TTC6: variants seen among roughly 807,000 people sequenced by gnomAD.
The protein encoded by TTC6 is tetratricopeptide repeat domain 6.
In TTC6, 172 loss-of-function variants were observed where a neutral mutation model predicts 210.4. The ratio of observed to expected loss-of-function variants is 0.82; its 90% CI spans 0.72 to 0.93. The LOEUF (loss-of-function observed/expected upper bound fraction) is 0.93. Among genes scored for constraint, TTC6 ranks in the 40% least tolerant of loss-of-function variants. The pLI is 0.00. For synonymous variants in TTC6, 804 were observed against 819.6 expected (o/e 0.98, Z 0.32); for missense variants, 2,414 against 2,318.1 (o/e 1.04, Z -0.85).
chr14:37,832,172 C>A (rs1032031011), intron 29 of TTC6, among the ~76,000 whole-genome samples: 2 of 151,982 alleles, frequency 1.3e-5, no homozygotes, highest in African/African-American at 4.8e-5. Context: ...CAAGTTTTCT[C>A]AGTTTTGTTT....
At chr14:37,695,113 T>C (rs10139826) in intron 3 of TTC6, among the ~76,000 whole-genome samples, 58,591 of 149,582 alleles carry the variant, frequency 0.39, 11,984 homozygotes, top group Admixed American at 0.5. Flanking sequence ...GAGATCATTA[T>C]GTTAAGTGAA....
rs2095704722 is a variant in TTC6 at position 37,648,021 on chromosome 14, C to T, written c.939+25018C>T. Among the ~76,000 whole-genome samples, 4 of 152,144 alleles carry T rather than the reference C, an allele frequency of 2.6e-5. No homozygotes were observed. The South Asian group carries it at 8.3e-4, about 32-fold the overall frequency. On this transcript the variant is annotated intron_variant, in intron 1 of 30. Coordinates refer to ENST00000553443, the Ensembl canonical transcript of TTC6. The stretch of plus-strand genomic sequence containing the variant: ...AACTATAATATTACAAACACACACA[C>T]ACACACGTTCACACCCCTCCCCATC...
chr14:37,773,412 A>G (rs1385586981), intron 14 of TTC6, among the ~76,000 whole-genome samples: 1 of 152,030 alleles, frequency 6.6e-6, no homozygotes, highest in Non-Finnish European at 1.5e-5. Flanking sequence ...TTTGCATTTA[A>G]GTTTTTATCT....
intron 1 of TTC6, among the ~76,000 whole-genome samples, chr14:37,597,312 G>A (rs1451200076): frequency 6.6e-6 from 1 of 152,096 alleles, no homozygotes; most frequent in Non-Finnish European, 1.5e-5. Context: ...GAGCTTCCTT[G>A]TTCCTTCTGG....
chr14:37,684,258 G>A lies in TTC6; in HGVS notation c.1257+1294G>A, dbSNP rs556010914. ...GACCTTATGTCTGAATTAATGCAGT[G>A]GTTATTCTTCATTTCTCAAGCCCTG... On this transcript the variant is annotated intron_variant, in intron 3 of 30. Coordinates refer to ENST00000553443, the Ensembl canonical transcript of TTC6. Among the ~76,000 whole-genome samples the A allele has an allele frequency of 4.2e-4, 64 of 152,210 alleles. No homozygotes were observed. The South Asian group carries it at 0.012, about 28-fold the overall frequency.
chr14:37,799,272 C>T (rs1013870656), intron 20 of TTC6, among the ~76,000 whole-genome samples: 1 of 152,116 alleles, frequency 6.6e-6, no homozygotes, highest in African/African-American at 2.4e-5. Flanking sequence ...TGAGAAACTA[C>T]CTTTAGTATA....
intron 1 of TTC6, among the ~76,000 whole-genome samples, chr14:37,627,186 T>A (rs2095661791): frequency 6.6e-6 from 1 of 152,098 alleles, no homozygotes. Context: ...TCCTGAGGCC[T>A]CCCCAGAAGG....
At chr14:37,749,668 C>T in intron 11 of TTC6, 46 bp from the exon 14 acceptor site, 6 of 1,254,878 alleles carry the variant, frequency 4.8e-6, no homozygotes, top group Non-Finnish European at 5.1e-6. Context: ...AGGATATCCT[C>T]CTTTAACAAA....
chr14:37,828,931 C>T (rs182968671), intron 29 of TTC6, among the ~76,000 whole-genome samples: 413 of 151,890 alleles, frequency 2.7e-3, no homozygotes, highest in Non-Finnish European at 4.9e-3. Flanking sequence ...GTAATGCCTG[C>T]TTTGTGAAAA....
intron 1 of TTC6, among the ~76,000 whole-genome samples, chr14:37,672,711 T>C (rs1193426329): frequency 2.6e-5 from 4 of 152,166 alleles, no homozygotes; most frequent in Non-Finnish European, 5.9e-5. Context: ...GAATAAAGAA[T>C]AGTGCATTGC....
rs145439143 is a variant in TTC6 at position 37,690,586 on chromosome 14, T to C, written c.1258-6131T>C. 3.1e-3 allele frequency among the ~76,000 whole-genome samples: 472 copies of C among 152,190 alleles called. 1 individual carries two copies. The highest frequency in any genetic ancestry group is 5.4e-3 in the Non-Finnish European group (364 of 68,002). On this transcript the variant is annotated intron_variant, in intron 3 of 30. Coordinates refer to ENST00000553443, the Ensembl canonical transcript of TTC6. ...AAAAGAGCAGGAATCTCTATACTTATATCAGACAAAATAGATTTCAGGAAA... is the reference window on the plus strand; with the variant it reads ...AAAAGAGCAGGAATCTCTATACTTACATCAGACAAAATAGATTTCAGGAAA...
rs115838899 is a variant in TTC6 at position 37,703,888 on chromosome 14, A to G, written c.1571+2362A>G. Among the ~76,000 whole-genome samples the G allele has an allele frequency of 2.6e-3, 393 of 152,252 alleles. 3 individuals are homozygous for G. The highest frequency in any genetic ancestry group is 8.8e-3 in the African/African-American group (364 of 41,538). ...GTTCAAATTTTTGGTATGAAATTTT[A>G]TATTTCAGGCTTTAAAGTAGGCAAA... On this transcript the variant is annotated intron_variant, in intron 5 of 30. Transcript: ENST00000553443.
Position 37,677,465 on chromosome 14 carries a change from A to G in TTC6, c.940-2686A>G, listed in dbSNP as rs1162829180. Among the ~76,000 whole-genome samples the G allele has an allele frequency of 2.0e-5, 3 of 151,968 alleles. No individual in the cohort carries two copies. In the East Asian group the frequency reaches 5.8e-4, roughly 29 times the overall value. ...TTTTGTATTCTTTCTGATTTTCTGTATATGTGTAATCATATTCATTTGCAA... is the reference window on the plus strand; with the variant it reads ...TTTTGTATTCTTTCTGATTTTCTGTGTATGTGTAATCATATTCATTTGCAA... On this transcript the variant is annotated intron_variant, in intron 1 of 30. Coordinates refer to ENST00000553443, the Ensembl canonical transcript of TTC6.
intron 1 of TTC6, among the ~76,000 whole-genome samples, chr14:37,647,103 A>C (rs1196496911): frequency 6.6e-6 from 1 of 152,160 alleles, no homozygotes; most frequent in Non-Finnish European, 1.5e-5. Flanking sequence ...ACTGGCCAGA[A>C]ATTTCTAAAT....
rs1206960696 is a variant in TTC6, at chr14:37,735,772, C to T, written c.1819-149C>T. On this transcript the variant is annotated intron_variant, in intron 7 of 30. Coordinates refer to ENST00000553443, the Ensembl canonical transcript of TTC6. ...GCTATAGCTGGACTTTGATGCATCTCTGGTAAGTGTTTTCTAGAATTATAC... is the reference window on the plus strand; with the variant it reads ...GCTATAGCTGGACTTTGATGCATCTTTGGTAAGTGTTTTCTAGAATTATAC... 7.4e-6 allele frequency: 4 copies of T among 542,416 alleles called. No homozygotes were observed. The East Asian group carries it at 9.6e-5, about 13-fold the overall frequency. 33.6% of individuals were successfully genotyped at this position (542,416 alleles called of 1,614,324 possible).
intron 7 of TTC6, among the ~76,000 whole-genome samples, chr14:37,727,775 A>T (rs539586674): frequency 2.6e-5 from 4 of 152,082 alleles, no homozygotes; most frequent in African/African-American, 9.6e-5. Context: ...TTTTTGATAC[A>T]CCATAGTGTT....
At chr14:37,724,855 C>T (rs1361398736) in intron 6 of TTC6, 43 bp from the exon 9 acceptor site, 1 of 1,182,786 alleles carries the variant, frequency 8.5e-7, no homozygotes, top group East Asian at 2.8e-5. Flanking sequence ...CTCTCAAGGC[C>T]ATTTCTTACC....
intron 14 of TTC6, among the ~76,000 whole-genome samples, chr14:37,766,917 C>T (rs1386205216): frequency 6.6e-6 from 1 of 151,834 alleles, no homozygotes; most frequent in Admixed American, 6.6e-5. Context: ...CGTCATCTAG[C>T]ATTAGGTATA....
At position 37,649,656 on chromosome 14, in the gene TTC6, A is replaced by C. The variant is rs1015698555; in HGVS notation, c.939+26653A>C. On this transcript the variant is annotated intron_variant, in intron 1 of 30. Coordinates refer to ENST00000553443, the Ensembl canonical transcript of TTC6. ...GCGGTAGTGCCTTTTACCTGAGGCC[A>C]TGGGCCCTCAGTGGTCTATGTGGGT... 4.6e-5 allele frequency among the ~76,000 whole-genome samples: 7 copies of C among 152,188 alleles called. No homozygotes were observed. In the East Asian group the frequency reaches 1.2e-3, roughly 25 times the overall value.
Sources: allele counts gnomAD v4.1 joint callset (sites outside exome capture counted in the v4.1 genomes callset), GRCh38; gene constraint gnomAD v4.1.1; transcripts MANE v1.5; gene names NCBI Gene and HGNC (gene_info 2026-07-23, HGNC 2026-07-21).